TOGARAM1: variants seen among roughly 807,000 people sequenced by gnomAD.
TOGARAM1 encodes the protein TOG array regulator of axonemal microtubules protein 1.
Under a neutral mutation model 166.6 loss-of-function variants are expected in TOGARAM1, and 100 were observed. The ratio of observed to expected loss-of-function variants is 0.60; its 90% CI spans 0.51 to 0.71. TOGARAM1 has a LOEUF of 0.71. TOGARAM1 is among the 30% of genes least tolerant of loss of function. The pLI is 0.00. For missense variants in TOGARAM1, 2,029 were observed against 2,102.7 expected (o/e 0.96, Z 0.69); for synonymous variants, 758 against 763.8 (o/e 0.99, Z 0.13).
chr14:44,998,515 G>C (rs1261398888), intron 2 of TOGARAM1, among the ~76,000 whole-genome samples: 2 of 152,182 alleles, frequency 1.3e-5, no homozygotes, highest in Non-Finnish European at 2.9e-5. Context: ...AGGAGTTCGA[G>C]ACCAGCCTTA....
intron 11 of TOGARAM1, among the ~76,000 whole-genome samples, chr14:45,037,870 A>C (rs1183668319): frequency 6.6e-6 from 1 of 151,682 alleles, no homozygotes; most frequent in East Asian, 1.9e-4. Flanking sequence ...TACTAAAAAA[A>C]AAAAAAAATG....
rs372740537 is a variant in TOGARAM1, at chr14:44,962,406, C to T, written c.-16C>T. The T allele has an allele frequency of 2.1e-5, 32 of 1,527,842 alleles. No homozygotes were observed. The African/African-American group carries it at 4.0e-4, about 19-fold the overall frequency. The allele number at this position is 1,527,842 out of a possible 1,614,324, so 94.6% of individuals were successfully genotyped here. ...GGCAATGGTTTCTTCCAACCACCACCACCTGACAACCCTGCATGGCGGCTG... is the reference window on the plus strand; with the variant it reads ...GGCAATGGTTTCTTCCAACCACCACTACCTGACAACCCTGCATGGCGGCTG... On this transcript the variant is annotated 5_prime_UTR_variant, in exon 1 of 20. Coordinates refer to ENST00000361462, the MANE Select transcript of TOGARAM1 (RefSeq NM_001308120.2).
intron 1 of TOGARAM1, among the ~76,000 whole-genome samples, chr14:44,973,894 A>C (rs1886041460): frequency 6.6e-6 from 1 of 151,084 alleles, no homozygotes; most frequent in Non-Finnish European, 1.5e-5. Context: ...TTGCTCCCCT[A>C]TAGGTAATGT....
rs113195810 is a variant in TOGARAM1, at chr14:45,030,649, A to G, written c.3659-1574A>G. On this transcript the variant is annotated intron_variant, in intron 10 of 19. Coordinates refer to ENST00000361462, the MANE Select transcript of TOGARAM1 (RefSeq NM_001308120.2). The stretch of plus-strand genomic sequence containing the variant: ...GTCTATTATATTCTTTAATTGGTAT[A>G]TCATCTTCCTCACATAACAAAAACT... Among the ~76,000 whole-genome samples the G allele has an allele frequency of 3.8e-3, 586 of 152,314 alleles. 5 individuals carry two copies. The highest frequency in any genetic ancestry group is 0.013 in the African/African-American group (554 of 41,576).
rs1384608263 is a variant in TOGARAM1 at position 44,962,999 on chromosome 14, C to T, written c.578C>T (p.Pro193Leu). ...GTTGTCTCGTTACGGGAAGAGAATC[C>T]AGCCCTGCGGAAAGATGCGCTGCAG... is the stretch of plus-strand genomic sequence containing the variant. ...QLVVSLREEN[P>L]ALRKDALQIL... Residue 193 changes from proline (P) to leucine (L), a missense_variant, in exon 1 of 20, where the codon CCA (proline) becomes CTA (leucine). Pro to Leu is a moderately conservative substitution (Grantham distance 98, BLOSUM62 -3). Transcript: ENST00000361462. 1.2e-6 allele frequency: 2 copies of T among 1,614,050 alleles called. No individual in the cohort carries two copies. The highest frequency in any genetic ancestry group is 2.2e-5 in the South Asian group (2 of 91,078).
chr14:45,016,178 T>G (rs1880123995), intron 7 of TOGARAM1, among the ~76,000 whole-genome samples: 1 of 152,122 alleles, frequency 6.6e-6, no homozygotes, highest in South Asian at 2.1e-4. Context: ...GGCAGATCAC[T>G]TGAGCTCAGG....
chr14:45,067,532 A>G (rs1047275437), intron 17 of TOGARAM1, among the ~76,000 whole-genome samples: 3 of 152,144 alleles, frequency 2.0e-5, no homozygotes, highest in Non-Finnish European at 2.9e-5. Context: ...AATTTAGTTC[A>G]GTTAATTCTA....
rs1315444547 is a variant in TOGARAM1, at chr14:45,045,605, GTGTGTGTGTGTGTA to G, written c.4154+737_4154+750del. ...TATATGTGTGTGTGTGTGTGTGTGTGTGTGTGTGTGTGTATATATATGTATATATATACATATAT... is the reference window on the plus strand; with the variant it reads ...TATATGTGTGTGTGTGTGTGTGTGTGTATATATGTATATATATACATATAT... On this transcript the variant is annotated intron_variant, in intron 13 of 19. Coordinates refer to ENST00000361462, the MANE Select transcript of TOGARAM1 (RefSeq NM_001308120.2). 3.2e-3 allele frequency among the ~76,000 whole-genome samples: 262 copies of G among 81,722 alleles called. 9 individuals carry two copies. Among genetic ancestry groups the G allele is most frequent in the African/African-American group, 0.015 (246 of 16,726 alleles). 53.6% of individuals were successfully genotyped at this position (81,722 alleles called of 152,430 possible).
chr14:45,004,741 T>A (rs1280075852), intron 4 of TOGARAM1, among the ~76,000 whole-genome samples: 1 of 152,106 alleles, frequency 6.6e-6, no homozygotes, highest in Non-Finnish European at 1.5e-5. Context: ...CTTGAGCCAC[T>A]GTGCTGGGCC....
intron 16 of TOGARAM1, among the ~76,000 whole-genome samples, chr14:45,060,859 G>T (rs2138991846): frequency 6.6e-6 from 1 of 152,214 alleles, no homozygotes; most frequent in Middle Eastern, 3.4e-3. Flanking sequence ...TCTTACTACT[G>T]ATAACTTTGA....
At chr14:45,009,194 AT>A in intron 6 of TOGARAM1, 49 bp downstream of exon 6, 1 of 1,334,580 alleles carries the variant, frequency 7.5e-7, no homozygotes, top group Non-Finnish European at 1.1e-6. Context: ...GTAATTAGTG[AT>A]TTAGAGCCCT....
At chr14:45,042,417 T>C (rs1476157556) in intron 11 of TOGARAM1, 1 of 151,856 alleles carries the variant, frequency 6.6e-6, no homozygotes, top group Non-Finnish European at 1.5e-5. Context: ...AAAGGGTCTA[T>C]GCATCAAGAA....
At chr14:45,031,739 A>C (rs1452813645) in intron 10 of TOGARAM1, among the ~76,000 whole-genome samples, 1 of 152,208 alleles carries the variant, frequency 6.6e-6, no homozygotes, top group Admixed American at 6.5e-5. Context: ...GCATATAAAA[A>C]GTAAAGTTTT....
At chr14:45,057,219 C>A (rs550293230) in intron 16 of TOGARAM1, among the ~76,000 whole-genome samples, 2 of 152,158 alleles carry the variant, frequency 1.3e-5, no homozygotes, top group South Asian at 4.2e-4. Flanking sequence ...TTATTTGGAT[C>A]TTCTGTCTTA....
intron 1 of TOGARAM1, among the ~76,000 whole-genome samples, chr14:44,986,856 A>C (rs939653064): frequency 6.6e-6 from 1 of 151,218 alleles, no homozygotes; most frequent in African/African-American, 2.4e-5. Context: ...AATACAAAAA[A>C]TTAGCCGGGC....
chr14:44,992,882 G>T (rs1477359089), intron 1 of TOGARAM1, among the ~76,000 whole-genome samples: 1 of 151,498 alleles, frequency 6.6e-6, no homozygotes, highest in Non-Finnish European at 1.5e-5. Flanking sequence ...CTCCCAAAGT[G>T]CTGGGATTAC....
chr14:44,995,951 T>C, intron 2 of TOGARAM1, 49 bp downstream of exon 2: 1 of 1,510,696 alleles, frequency 6.6e-7, no homozygotes, highest in Admixed American at 2.1e-5. Context: ...CAGACTTCTC[T>C]TAACTTCATA....
chr14:44,995,246 A>G (rs1028713136), intron 1 of TOGARAM1, among the ~76,000 whole-genome samples: 1 of 152,252 alleles, frequency 6.6e-6, no homozygotes, highest in African/African-American at 2.4e-5. Flanking sequence ...TAGTGTAAGA[A>G]AATACCCTAA....
chr14:44,978,605 G>C (rs1886343620), intron 1 of TOGARAM1, among the ~76,000 whole-genome samples: 1 of 152,060 alleles, frequency 6.6e-6, no homozygotes, highest in Admixed American at 6.6e-5. Flanking sequence ...AGGAGTTTGA[G>C]AGCAGCCTGG....
Sources: gnomAD v4.1 joint callset for allele counts (sites outside exome capture counted in the v4.1 genomes callset) on GRCh38, gnomAD v4.1.1 for gene constraint, MANE v1.5 for transcripts, NCBI Gene and HGNC (gene_info 2026-07-23, HGNC 2026-07-21) for gene names.